Variants in C1orf35 observed in about 807,000 individuals in gnomAD.
The protein encoded by C1orf35 is multiple myeloma tumor-associated protein 2.
A neutral mutation model predicts 30.9 loss-of-function variants in C1orf35; 36 were observed. The observed-to-expected ratio is 1.16, with a 90% CI of 0.89 to 1.54. C1orf35 has a LOEUF of 1.54. C1orf35 is among the 40% of genes most tolerant of loss of function. C1orf35 has a pLI of 0.00. For synonymous variants in C1orf35, 179 were observed against 148.2 expected, an observed-to-expected ratio of 1.21 and a Z score of -1.51; for missense variants, 396 against 358.7, an observed-to-expected ratio of 1.10 and a Z score of -0.84.
At position 228,103,292 on chromosome 1, in the gene C1orf35, G is replaced by A. The variant is rs1571851177; in HGVS notation, c.-65C>T. ...ACCTGCAACCCGCAACCCGAGACCC[G>A]CTACCCACTACCGTCGGACCCAGGC... On this transcript the variant is annotated 5_prime_UTR_variant, in exon 1 of 8. Transcript: ENST00000272139. 13 of 1,564,378 alleles carry A rather than the reference G, an allele frequency of 8.3e-6. No homozygotes were observed. The highest frequency in any genetic ancestry group is 2.2e-4 in the Middle Eastern group (1 of 4,618).
chr1:228,102,633 G>A lies in C1orf35; in HGVS notation c.291+10C>T, dbSNP rs1451877296. 6.2e-7 allele frequency: 1 copy of A among 1,601,062 alleles called. No homozygotes were observed. Among genetic ancestry groups the A allele is most frequent in the Non-Finnish European group, 8.5e-7 (1 of 1,175,796 alleles). On this transcript the variant is annotated intron_variant, in intron 3 of 7. Transcript: ENST00000272139. ...CGGCCCTCCACGCGCCCCCCACCCC[G>A]GGGAGTTACCTCCTTGCTCAGGCCC...
intron 1 of C1orf35, 41 bp from the exon 2 acceptor site, chr1:228,103,090 T>TCCCGGAGCCCGGAG (rs3831021): frequency 1.1e-4 from 174 of 1,607,178 alleles, no homozygotes; most frequent in African/African-American, 5.4e-4. Flanking sequence ...CCGCCCGGGA[T>TCCCGGAGCCCGGAG]CCCGGAGCCC....
rs1454671944 is a variant in C1orf35, at chr1:228,102,973, T to A, written c.171A>T (p.Pro57=). 1 of 1,528,580 alleles carries A rather than the reference T, an allele frequency of 6.5e-7. No individual in the cohort carries two copies. The highest frequency in any genetic ancestry group is 2.0e-5 in the Admixed American group (1 of 50,450). The allele number at this position is 1,528,580 out of a possible 1,614,324, so 94.7% of individuals were successfully genotyped here. A position where few individuals can be genotyped will look rare whatever the true frequency, so the allele number is the denominator to read the frequency against. ...CCTCCTCGCGGCTCGGGCCCGCGCA[T>A]GGCGCCCGGCCCTTGGCGTACCAGG... ...DLTWYAKGRA[P]CAGPSREEEL... Residue 57 remains proline (P), a synonymous_variant, in exon 2 of 8, where the codon CCA becomes CCT. Coordinates refer to ENST00000272139, the MANE Select transcript of C1orf35 (RefSeq NM_024319.4).
At position 228,103,252 on chromosome 1, in the gene C1orf35, G is replaced by A. The variant is rs769188656; in HGVS notation, c.-25C>T. The A allele has an allele frequency of 6.2e-7, 1 of 1,607,038 alleles. No homozygotes were observed. The highest frequency in any genetic ancestry group is 1.7e-5 in the Admixed American group (1 of 59,678). ...TGGCGCCGGGAAGGCAGTTGCCTGG[G>A]GCCTGCGGCTTGCAACCTGCAACCC... On this transcript the variant is annotated 5_prime_UTR_variant, in exon 1 of 8. Coordinates refer to ENST00000272139, the MANE Select transcript of C1orf35 (RefSeq NM_024319.4).
At chr1:228,101,811 C>A in intron 6 of C1orf35, 2 of 1,413,788 alleles carry the variant, frequency 1.4e-6, no homozygotes, top group Non-Finnish European at 1.8e-6. Context: ...CCACCCACGG[C>A]AGGAAAAGGC....
intron 1 of C1orf35, 28 bp from the exon 2 acceptor site, chr1:228,103,077 C>T (rs1174564452): frequency 1.9e-6 from 3 of 1,605,740 alleles, no homozygotes; most frequent in Non-Finnish European, 2.5e-6. Context: ...GTGAGTCCAG[C>T]GCCCGCCCGG....
At position 228,103,302 on chromosome 1, in the gene C1orf35, A is replaced by G; in HGVS notation, c.-75T>C. On this transcript the variant is annotated 5_prime_UTR_variant, in exon 1 of 8. Transcript: ENST00000272139. Reference sequence around the variant, plus strand: ...CGCAACCCGAGACCCGCTACCCACTACCGTCGGACCCAGGCCCGACCCCGC... The same window carrying G: ...CGCAACCCGAGACCCGCTACCCACTGCCGTCGGACCCAGGCCCGACCCCGC... 6.5e-7 allele frequency: 1 copy of G among 1,529,290 alleles called. No individual in the cohort carries two copies. The highest frequency in any genetic ancestry group is 8.8e-7 in the Non-Finnish European group (1 of 1,132,146). 94.7% of individuals were successfully genotyped at this position (1,529,290 alleles called of 1,614,324 possible).
Position 228,102,256 on chromosome 1 carries a change from G to A in C1orf35, c.447+54C>T. The A allele has an allele frequency of 3.2e-6, 5 of 1,584,610 alleles. No homozygotes were observed. The Admixed American group carries it at 5.2e-5, about 17-fold the overall frequency. On this transcript the variant is annotated intron_variant, in intron 5 of 7. Transcript: ENST00000272139. ...CCGGGGAGCTCCGTTCAGTGCCCCC[G>A]CCCCGCCCCACCCCTGTTAGCCCCT... is the stretch of plus-strand genomic sequence containing the variant.
At position 228,103,031 on chromosome 1, in the gene C1orf35, G is replaced by A; in HGVS notation, c.113C>T (p.Pro38Leu). The A allele has an allele frequency of 1.3e-6, 2 of 1,592,256 alleles. No individual in the cohort carries two copies. The highest frequency in any genetic ancestry group is 8.5e-7 in the Non-Finnish European group (1 of 1,171,346). The change falls in exon 2 of 8, where the codon CCG becomes CTG. Residue 38 changes from proline (P) to leucine (L), a missense_variant. Pro to Leu is a moderately conservative substitution (Grantham distance 98). Coordinates refer to ENST00000272139, the MANE Select transcript of C1orf35 (RefSeq NM_024319.4). ...GCGGCCCTTCTGCCAGCGGCCTACC[G>A]GCGCCATCAGCGAGTTGCCTGCGGA... ...ENYLGNSLMA[P>L]VGRWQKGRDL... is the part of the protein sequence containing the mutation.
At chr1:228,101,760 G>C (rs1030557195) in intron 6 of C1orf35, 2 of 1,412,196 alleles carry the variant, frequency 1.4e-6, no homozygotes, top group Non-Finnish European at 9.2e-7. Flanking sequence ...CACTCTTAGG[G>C]TCAGGCCCAG....
intron 7 of C1orf35, 38 bp downstream of exon 7, chr1:228,101,301 C>A (rs747134893): frequency 6.2e-7 from 1 of 1,614,124 alleles, no homozygotes; most frequent in South Asian, 1.1e-5. Flanking sequence ...GTCAACCAGG[C>A]CCCCACCCCC....
At position 228,101,267 on chromosome 1, in the gene C1orf35, A is replaced by G. The variant is rs756793447; in HGVS notation, c.669-13T>C. 3.1e-6 allele frequency: 5 copies of G among 1,614,138 alleles called. No individual in the cohort carries two copies. The South Asian group carries it at 4.4e-5, about 14-fold the overall frequency. The stretch of plus-strand genomic sequence containing the variant: ...GTGGTGCCTGGGCCTGGGGAGACCA[A>G]TGGCAGTCAGTCACTCGGAAGGAGT... On this transcript the variant is annotated splice_polypyrimidine_tract_variant and intron_variant, in intron 7 of 7. Transcript: ENST00000272139.
chr1:228,101,505 C>T, intron 6 of C1orf35, 32 bp from the exon 7 acceptor site: 2 of 1,607,376 alleles, frequency 1.2e-6, no homozygotes, highest in East Asian at 2.2e-5. Context: ...TGCCTCAGAC[C>T]CTAGTCTTGC....
In C1orf35 at chr1:228,100,886, G is replaced by A; in HGVS notation, c.*245C>T. ...GTCCAGCCTCTACTGATAAATCTGGGCAGGTTCACCTTCGCAGGCCAAGCC... is the reference window on the plus strand; with the variant it reads ...GTCCAGCCTCTACTGATAAATCTGGACAGGTTCACCTTCGCAGGCCAAGCC... On this transcript the variant is annotated 3_prime_UTR_variant, in exon 8 of 8. Coordinates refer to ENST00000272139, the MANE Select transcript of C1orf35 (RefSeq NM_024319.4). The A allele has an allele frequency of 1.7e-6, 1 of 573,214 alleles. No individual in the cohort carries two copies. The highest frequency in any genetic ancestry group is 3.1e-6 in the Non-Finnish European group (1 of 322,870). The allele number at this position is 573,214 out of a possible 1,614,324, so 35.5% of individuals were successfully genotyped here.
intron 2 of C1orf35, 39 bp downstream of exon 2, chr1:228,102,860 C>T (rs1405870414): frequency 1.4e-6 from 2 of 1,379,692 alleles, no homozygotes; most frequent in Admixed American, 3.6e-5. Context: ...CCGGCAGCGC[C>T]GTCCCAGGCA....
rs371891094 is a variant in C1orf35 at position 228,103,243 on chromosome 1, G to A, written c.-16C>T. ...AGCCGAACATGGCGCCGGGAAGGCA[G>A]TTGCCTGGGGCCTGCGGCTTGCAAC... On this transcript the variant is annotated 5_prime_UTR_variant, in exon 1 of 8. Transcript: ENST00000272139. 2 of 1,608,452 alleles carry A rather than the reference G, an allele frequency of 1.2e-6. No individual in the cohort carries two copies.
rs749932340 is a variant in C1orf35, at chr1:228,103,055, G to C, written c.95-6C>G. The C allele has an allele frequency of 1.2e-6, 2 of 1,602,466 alleles. No homozygotes were observed. The highest frequency in any genetic ancestry group is 1.3e-5 in the African/African-American group (1 of 74,392). On this transcript the variant is annotated splice_polypyrimidine_tract_variant and splice_region_variant and intron_variant, in intron 1 of 7. Coordinates refer to ENST00000272139, the MANE Select transcript of C1orf35 (RefSeq NM_024319.4). ...CGGCGCCATCAGCGAGTTGCCTGCG[G>C]ACGTAGACGCTGTGAGTCCAGCGCC...
chr1:228,101,573 G>A (rs2032947507), intron 6 of C1orf35, 100 bp from the exon 7 acceptor site: 1 of 1,551,026 alleles, frequency 6.4e-7, no homozygotes. Flanking sequence ...ACCCACAAGT[G>A]CGTCTTTAAA....
At chr1:228,103,107 C>G in intron 1 of C1orf35, 27 bp downstream of exon 1, 1 of 1,608,906 alleles carries the variant, frequency 6.2e-7, no homozygotes, top group Non-Finnish European at 8.5e-7. Flanking sequence ...GCCCGGAGCC[C>G]GGAGCCCGCC....
Sources: allele counts gnomAD v4.1 joint callset, GRCh38; gene constraint gnomAD v4.1.1; transcripts MANE v1.5; gene names NCBI Gene and HGNC (gene_info 2026-07-23, HGNC 2026-07-21).